WIPF3: variants seen among roughly 807,000 people sequenced by gnomAD.
WIPF3 encodes WAS/WASL interacting protein family member 3, also known as WAS/WASL-interacting protein family member 3.
In WIPF3, 33 loss-of-function variants were observed where a neutral mutation model predicts 38.9. That is an observed-to-expected ratio of 0.85 (90% CI 0.64 to 1.14). The LOEUF is 1.14. WIPF3 is among the 50% of genes most tolerant of loss of function. The pLI is 0.00. For synonymous variants in WIPF3, 324 were observed against 269.3 expected, an observed-to-expected ratio of 1.20 and a Z score of -1.99; for missense variants, 711 against 652.5, an observed-to-expected ratio of 1.09 and a Z score of -0.98.
intron 2 of WIPF3, among the ~76,000 whole-genome samples, chr7:29,841,374 G>T (rs886810872): frequency 6.6e-6 from 1 of 152,072 alleles, no homozygotes; most frequent in East Asian, 1.9e-4. Context: ...TTTCAAGAGC[G>T]TGGAACAGAG....
At chr7:29,913,290 A>C (rs1452978772) in intron 8 of WIPF3, among the ~76,000 whole-genome samples, 1 of 149,466 alleles carries the variant, frequency 6.7e-6, no homozygotes, top group Non-Finnish European at 1.5e-5. Flanking sequence ...GGTTGCGGTG[A>C]GCTGAGATCA....
chr7:29,868,153 A>ACTGTATTTGG (rs1429449236), intron 2 of WIPF3, among the ~76,000 whole-genome samples: 1 of 152,182 alleles, frequency 6.6e-6, no homozygotes, highest in African/African-American at 2.4e-5. Context: ...TCTAAAGTAA[A>ACTGTATTTGG]CTGTATTTGG....
chr7:29,817,676 C>T (rs944449400), intron 1 of WIPF3, among the ~76,000 whole-genome samples: 7 of 152,044 alleles, frequency 4.6e-5, no homozygotes, highest in Non-Finnish European at 7.4e-5. Flanking sequence ...ATACCTAGGT[C>T]AATTTCCAGG....
chr7:29,904,252 C>G, intron 7 of WIPF3, 34 bp from the exon 8 acceptor site: 1 of 1,608,006 alleles, frequency 6.2e-7, no homozygotes. Flanking sequence ...GTCCCTGGGC[C>G]AATAGATAAT....
chr7:29,884,373 G>GGC lies in WIPF3; in HGVS notation c.879_880insGC (p.Pro294AlafsTer81). The GGC allele has an allele frequency of 2.2e-6, 1 of 458,246 alleles. No homozygotes were observed. The highest frequency in any genetic ancestry group is 2.8e-6 in the Non-Finnish European group (1 of 361,216). The allele number at this position is 458,246 out of a possible 1,614,324, so 28.4% of individuals were successfully genotyped here. On this transcript the variant is annotated frameshift_variant, in exon 5 of 9. Coordinates refer to ENST00000242140, the MANE Select transcript of WIPF3 (RefSeq NM_001080529.3). LOFTEE classifies it high-confidence loss of function. The stretch of plus-strand genomic sequence containing the variant: ...ATGCGCAGGAGCCTCCCGCCCCGCC[G>GGC]CCCCCGCTCCCCCCTTATGCTTCTT...
intron 2 of WIPF3, among the ~76,000 whole-genome samples, chr7:29,857,263 CCATAAT>C (rs1785201236): frequency 6.6e-6 from 1 of 152,112 alleles, no homozygotes. Flanking sequence ...CTTTGCTCCC[CCATAAT>C]CTGGCATTTC....
At position 29,883,956 on chromosome 7, in the gene WIPF3, T is replaced by C. The variant is rs28439342; in HGVS notation, c.462T>C (p.Asn154=). The change falls in exon 5 of 9, where the codon AAT becomes AAC. Residue 154 remains asparagine (N), a synonymous_variant. Transcript: ENST00000242140. Reference sequence around the variant, plus strand: ...CGCCTGCCTCTCCCAGGCTAGGCAATACCTCCGAGGCGCATGGCGCTGCCA... The same window carrying C: ...CGCCTGCCTCTCCCAGGCTAGGCAACACCTCCGAGGCGCATGGCGCTGCCA... ...LIPPASPRLG[N]TSEAHGAART... The C allele has an allele frequency of 0.16, 247,917 of 1,559,212 alleles. 21,133 individuals are homozygous for C. The highest frequency in any genetic ancestry group is 0.27 in the African/African-American group (20,056 of 73,128).
rs910793088 is a variant in WIPF3 at position 29,889,340 on chromosome 7, G to A, written c.1284G>A (p.Val428=). The A allele has an allele frequency of 1.9e-6, 3 of 1,613,926 alleles. No individual in the cohort carries two copies. The Admixed American group carries it at 5.0e-5, about 27-fold the overall frequency. The change falls in exon 7 of 9, where the codon GTG becomes GTA. Residue 428 remains valine (V), a synonymous_variant. Coordinates refer to ENST00000242140, the MANE Select transcript of WIPF3 (RefSeq NM_001080529.3). The part of the protein sequence containing the change: ...DFESKFTFHS[V]EDFPPPDEYK... ...AGTCTAAATTCACGTTCCATTCTGT[G>A]GAAGACTTTCCCCCTCCGGATGAAT...
At position 29,873,642 on chromosome 7, in the gene WIPF3, A is replaced by C. The variant is rs150754600; in HGVS notation, c.91-2188A>C. Among the ~76,000 whole-genome samples, 1,301 of 152,310 alleles carry C rather than the reference A, an allele frequency of 8.5e-3. 13 individuals carry two copies. Among genetic ancestry groups the C allele is most frequent in the African/African-American group, 0.017 (686 of 41,566 alleles). On this transcript the variant is annotated intron_variant, in intron 2 of 8. Transcript: ENST00000242140. ...CCTGCCTTTCTAAAATAAATAAATA[A>C]ATACATACATAATATCTCCAGTGAA... is the stretch of plus-strand genomic sequence containing the variant.
At chr7:29,859,590 A>G (rs536327304) in intron 2 of WIPF3, among the ~76,000 whole-genome samples, 6 of 152,208 alleles carry the variant, frequency 3.9e-5, no homozygotes, top group African/African-American at 1.4e-4. Flanking sequence ...AGGATATATG[A>G]AAGTAGGAAC....
intron 6 of WIPF3, among the ~76,000 whole-genome samples, chr7:29,888,477 C>A (rs1204396237): frequency 7.2e-6 from 1 of 138,626 alleles, no homozygotes; most frequent in African/African-American, 2.9e-5. Flanking sequence ...AGCATTTAAA[C>A]TGTGTGAGTG....
rs1202108895 is a variant in WIPF3 at position 29,878,016 on chromosome 7, C to T, written c.224-993C>T. Among the ~76,000 whole-genome samples the T allele has an allele frequency of 1.3e-5, 2 of 152,064 alleles. No homozygotes were observed. Among genetic ancestry groups the T allele is most frequent in the Non-Finnish European group, 2.9e-5 (2 of 68,018 alleles). On this transcript the variant is annotated intron_variant, in intron 3 of 8. Transcript: ENST00000242140. The surrounding 1 kb of genome is among the most constrained non-coding windows in gnomAD (Gnocchi z 4.0). ...TAGTCCTAAAAATAGAATTATATCT[C>T]CTATCTGTAATTATAAATGTCAACA... is the stretch of plus-strand genomic sequence containing the variant.
In WIPF3 at chr7:29,884,358, G is replaced by GCCCCCCCCC; in HGVS notation, c.866_867insCCCCCCCCC (p.Pro290_Ala291insProProPro). On this transcript the variant is annotated inframe_insertion, in exon 5 of 9. Transcript: ENST00000242140. ...CCAGCCCTGCGCAAGATGCGCAGGA[G>GCCCCCCCCC]CCTCCCGCCCCGCCGCCCCCGCTCC... The GCCCCCCCCC allele has an allele frequency of 6.7e-7, 1 of 1,501,642 alleles. No homozygotes were observed. Among genetic ancestry groups the GCCCCCCCCC allele is most frequent in the Non-Finnish European group, 8.9e-7 (1 of 1,122,632 alleles). The allele number at this position is 1,501,642 out of a possible 1,614,324, so 93.0% of individuals were successfully genotyped here. A position where few individuals can be genotyped will look rare whatever the true frequency, so the allele number is the denominator to read the frequency against.
intron 2 of WIPF3, among the ~76,000 whole-genome samples, chr7:29,856,641 C>T (rs1200132736): frequency 6.6e-6 from 1 of 152,126 alleles, no homozygotes; most frequent in Non-Finnish European, 1.5e-5. Flanking sequence ...AAAAGAAAAA[C>T]CAAACAAAAC....
At chr7:29,817,000 G>A (rs950357242) in intron 1 of WIPF3, among the ~76,000 whole-genome samples, 1 of 152,112 alleles carries the variant, frequency 6.6e-6, no homozygotes, top group African/African-American at 2.4e-5. Flanking sequence ...CTGATTCCCT[G>A]CACTCTCTCC....
chr7:29,866,116 G>A (rs893754706), intron 2 of WIPF3, among the ~76,000 whole-genome samples: 3 of 151,988 alleles, frequency 2.0e-5, no homozygotes, highest in South Asian at 2.1e-4. Flanking sequence ...CCAAAGTCGC[G>A]CCACTGCACT....
At chr7:29,869,260 T>A (rs192566914) in intron 2 of WIPF3, among the ~76,000 whole-genome samples, 1 of 152,118 alleles carries the variant, frequency 6.6e-6, no homozygotes, top group Admixed American at 6.5e-5. Flanking sequence ...ACTCCCAACC[T>A]CAGGTGATCC....
chr7:29,836,893 G>A (rs1372718018), intron 2 of WIPF3, among the ~76,000 whole-genome samples: 1 of 152,132 alleles, frequency 6.6e-6, no homozygotes, highest in Non-Finnish European at 1.5e-5. Context: ...AGGAGGCTGT[G>A]GCAGGGAGAA....
chr7:29,854,083 A>G (rs558647217), intron 2 of WIPF3, among the ~76,000 whole-genome samples: 21 of 152,346 alleles, frequency 1.4e-4, no homozygotes, highest in Middle Eastern at 6.8e-3. Context: ...CGTTCCTGGC[A>G]TCAGCAGCAT....
Sources: gnomAD v4.1 joint callset for allele counts (sites outside exome capture counted in the v4.1 genomes callset) on GRCh38, gnomAD v4.1.1 for gene constraint, Gnocchi (gnomAD v3.1) non-coding constraint, MANE v1.5 for transcripts, NCBI Gene and HGNC (gene_info 2026-07-23, HGNC 2026-07-21) for gene names.